The following PRDM7 variants were observed in gnomAD, a reference collection of about 807,000 sequenced individuals.
PRDM7 encodes the protein histone-lysine N-methyltransferase PRDM7.
PRDM7 carries 52 observed loss-of-function variants against 64.3 expected under a neutral mutation model. The ratio of observed to expected loss-of-function variants is 0.81; its 90% CI spans 0.65 to 1.02. The LOEUF is 1.02. PRDM7 is among the 50% of genes least tolerant of loss of function. The pLI, the probability that PRDM7 is intolerant of heterozygous loss-of-function variation, is 0.00. For synonymous variants in PRDM7, 192 were observed against 210.1 expected (o/e 0.91, Z 0.74); for missense variants, 574 against 597.1 (o/e 0.96, Z 0.40).
chr16:90,061,752 A>G (rs1302319350), intron 8 of PRDM7, among the ~76,000 whole-genome samples, 169 bp downstream of exon 8: 1 of 152,166 alleles, frequency 6.6e-6, no homozygotes. Flanking sequence ...GCTCCCATGT[A>G]CCCTGTGATC....
At position 90,075,839 on chromosome 16, in the gene PRDM7, C is replaced by T; in HGVS notation, c.69+3G>A. On this transcript the variant is annotated splice_donor_region_variant and intron_variant, in intron 2 of 10. Transcript: ENST00000449207. The surrounding 1 kb of genome is among the most constrained non-coding windows in gnomAD (Gnocchi z 4.3). ...GTCTGGCTTCGCCTCCCCGACTTCT[C>T]ACCATGGGCTTCCGCTCTGTTCTCT... 1.2e-6 allele frequency: 2 copies of T among 1,613,780 alleles called. No homozygotes were observed. Among genetic ancestry groups the T allele is most frequent in the Non-Finnish European group, 1.7e-6 (2 of 1,179,856 alleles).
At position 90,075,499 on chromosome 16, in the gene PRDM7, A is replaced by G; in HGVS notation, c.70-25T>C. ...CCTAGAGGAAGTAACAGATTCCATC[A>G]GTGATTTACTAATACACATCGAGCT... On this transcript the variant is annotated intron_variant, in intron 2 of 10. Transcript: ENST00000449207. This position sits in a 1 kb window ranked among gnomAD's most constrained non-coding sequence, Gnocchi z 4.3. 1 of 1,614,216 alleles carries G rather than the reference A, an allele frequency of 6.2e-7. No individual in the cohort carries two copies. The highest frequency in any genetic ancestry group is 8.5e-7 in the Non-Finnish European group (1 of 1,180,028).
In PRDM7 at chr16:90,058,491, G is replaced by C; in HGVS notation, c.1277C>G (p.Pro426Arg). The C allele has an allele frequency of 6.2e-7, 1 of 1,614,164 alleles. No homozygotes were observed. Among genetic ancestry groups the C allele is most frequent in the Non-Finnish European group, 8.5e-7 (1 of 1,180,026 alleles). ...GACTGAGAAATTTTTGACTTGAAAA[G>C]GCCAGACAGCATGAGGGACATGGAT... ...RSIHVPHAVW[P>R]FQVKNFSVNM... Residue 426 changes from proline to arginine, a missense_variant, in exon 11 of 11, where the codon CCT (proline) becomes CGT (arginine). Transcript: ENST00000449207.
At chr16:90,064,088 G>C (rs2037831072) in intron 5 of PRDM7, among the ~76,000 whole-genome samples, 1 of 152,194 alleles carries the variant, frequency 6.6e-6, no homozygotes, top group South Asian at 2.1e-4. Flanking sequence ...GAGAGAAGGA[G>C]GGAATCTTCC....
intron 4 of PRDM7, among the ~76,000 whole-genome samples, chr16:90,072,500 A>T (rs1318890555): frequency 2.0e-5 from 3 of 152,220 alleles, no homozygotes; most frequent in African/African-American, 7.2e-5. Context: ...CAAATGTTTC[A>T]TGGCTGATTC....
At position 90,057,777 on chromosome 16, in the gene PRDM7, G is replaced by A; in HGVS notation, c.*512C>T. ...GCCACCTCAGAGCTGGGGTGTGCAA[G>A]TGTGTGGTGATCACGTTTGTCTTCT... On this transcript the variant is annotated 3_prime_UTR_variant, in exon 11 of 11. Coordinates refer to ENST00000449207, the MANE Select transcript of PRDM7 (RefSeq NM_001098173.2). 2 of 1,334,586 alleles carry A rather than the reference G, an allele frequency of 1.5e-6. No individual in the cohort carries two copies. The highest frequency in any genetic ancestry group is 2.0e-6 in the Non-Finnish European group (2 of 1,010,604). 82.7% of individuals were successfully genotyped at this position (1,334,586 alleles called of 1,614,324 possible). A position where few individuals can be genotyped will look rare whatever the true frequency, so the allele number is the denominator to read the frequency against.
intron 5 of PRDM7, among the ~76,000 whole-genome samples, chr16:90,065,121 G>A (rs569085793): frequency 2.0e-5 from 3 of 149,722 alleles, no homozygotes; most frequent in East Asian, 2.0e-4. Context: ...AATTATTCTC[G>A]CCAGGCACAG....
At chr16:90,067,605 T>TC (rs1326438378) in intron 4 of PRDM7, among the ~76,000 whole-genome samples, 2 of 148,584 alleles carry the variant, frequency 1.3e-5, no homozygotes, top group East Asian at 1.9e-4. Flanking sequence ...TTTTTTTTTT[T>TC]TTTGAGATGG....
At chr16:90,069,771 A>C (rs2037929749) in intron 4 of PRDM7, among the ~76,000 whole-genome samples, 6 of 151,178 alleles carry the variant, frequency 4.0e-5, no homozygotes, top group Admixed American at 3.9e-4. Context: ...GTTAATATCC[A>C]GGCCAGGCAC....
In PRDM7 at chr16:90,058,472, G is replaced by T. The variant is rs1375890676; in HGVS notation, c.1296C>A (p.Phe432Leu). The change falls in exon 11 of 11, where the codon TTC becomes TTA. Residue 432 changes from phenylalanine to leucine, a missense_variant. Coordinates refer to ENST00000449207, the MANE Select transcript of PRDM7 (RefSeq NM_001098173.2). ...TGATTGCGTTCCACATGTTGACTGA[G>T]AAATTTTTGACTTGAAAAGGCCAGA... ...HAVWPFQVKN[F>L]SVNMWNAITP... The T allele has an allele frequency of 6.2e-6, 10 of 1,614,192 alleles. No individual in the cohort carries two copies. Among genetic ancestry groups the T allele is most frequent in the Non-Finnish European group, 8.5e-6 (10 of 1,180,038 alleles).
In PRDM7 at chr16:90,064,322, A is replaced by G. The variant is rs181825850; in HGVS notation, c.352-554T>C. ...ATTAGATTAGTTAGTTCCTGTACCA[A>G]TTCTACTTGTCTGCTTGAATAAGGG... On this transcript the variant is annotated intron_variant, in intron 5 of 10. Transcript: ENST00000449207. Among the ~76,000 whole-genome samples, 49 of 152,330 alleles carry G rather than the reference A, an allele frequency of 3.2e-4. No individual in the cohort carries two copies. The East Asian group carries it at 5.6e-3, about 17-fold the overall frequency.
At position 90,075,041 on chromosome 16, in the gene PRDM7, AT is replaced by A; in HGVS notation, c.194-19del. 1 of 1,613,926 alleles carries A rather than the reference AT, an allele frequency of 6.2e-7. No homozygotes were observed. Among genetic ancestry groups the A allele is most frequent in the Non-Finnish European group, 8.5e-7 (1 of 1,179,912 alleles). On this transcript the variant is annotated intron_variant, in intron 3 of 10. Transcript: ENST00000449207. This position sits in a 1 kb window ranked among gnomAD's most constrained non-coding sequence, Gnocchi z 4.3. ...TCTGAGACCTGAAAAGAAGCAAAAA[AT>A]TTTGCTCTGAAACGGAAGAGCTGGG...
chr16:90,068,618 G>C (rs1597690036), intron 4 of PRDM7, among the ~76,000 whole-genome samples: 1 of 146,990 alleles, frequency 6.8e-6, no homozygotes, highest in East Asian at 1.9e-4. Flanking sequence ...CTGGATGACA[G>C]AGCGAGACTC....
intron 4 of PRDM7, among the ~76,000 whole-genome samples, chr16:90,067,945 C>T (rs568678800): frequency 6.6e-6 from 1 of 151,404 alleles, no homozygotes; most frequent in African/African-American, 2.5e-5. Flanking sequence ...AGCCTTCCTT[C>T]TAAGGTCATA....
At chr16:90,072,172 A>C (rs2037968217) in intron 4 of PRDM7, among the ~76,000 whole-genome samples, 1 of 151,468 alleles carries the variant, frequency 6.6e-6, no homozygotes, top group African/African-American at 2.4e-5. Context: ...CAGAGCTTGC[A>C]GTGAGCCGAG....
Position 90,058,158 on chromosome 16 carries a change from C to T in PRDM7, c.*131G>A, listed in dbSNP as rs1033971842. Reference sequence around the variant, plus strand: ...CCCCCACAAATAATTTGCCTGTGTTCCCTGGATTCACTTTCTGGCCTGTTC... The same window carrying T: ...CCCCCACAAATAATTTGCCTGTGTTTCCTGGATTCACTTTCTGGCCTGTTC... On this transcript the variant is annotated 3_prime_UTR_variant, in exon 11 of 11. Transcript: ENST00000449207. The T allele has an allele frequency of 3.7e-6, 6 of 1,614,210 alleles. No individual in the cohort carries two copies. Among genetic ancestry groups the T allele is most frequent in the Non-Finnish European group, 5.1e-6 (6 of 1,180,038 alleles).
At chr16:90,068,913 A>C (rs2037918202) in intron 4 of PRDM7, among the ~76,000 whole-genome samples, 1 of 151,354 alleles carries the variant, frequency 6.6e-6, no homozygotes, top group South Asian at 2.1e-4. Flanking sequence ...TGAAGACTTA[A>C]TATTGTTAAC....
chr16:90,057,452 G>C lies in PRDM7; in HGVS notation c.*837C>G, dbSNP rs975493583. 1.2e-5 allele frequency: 2 copies of C among 167,402 alleles called. No individual in the cohort carries two copies. Among genetic ancestry groups the C allele is most frequent in the Non-Finnish European group, 2.6e-5 (2 of 77,116 alleles). The allele number at this position is 167,402 out of a possible 1,614,324, so 10.4% of individuals were successfully genotyped here. On this transcript the variant is annotated 3_prime_UTR_variant, in exon 11 of 11. Transcript: ENST00000449207. ...CTGTGGAGACTTGAACTGAACGTTTGAGTTCTCTGTGGCCCTTCTGGACTC... is the reference window on the plus strand; with the variant it reads ...CTGTGGAGACTTGAACTGAACGTTTCAGTTCTCTGTGGCCCTTCTGGACTC...
At chr16:90,065,441 A>T (rs1271036242) in intron 5 of PRDM7, among the ~76,000 whole-genome samples, 3 of 148,998 alleles carry the variant, frequency 2.0e-5, no homozygotes, top group Non-Finnish European at 4.4e-5. Context: ...GAAAAAAATA[A>T]TTTTTCTCAC....
Sources: gnomAD v4.1 joint callset for allele counts (sites outside exome capture counted in the v4.1 genomes callset) on GRCh38, gnomAD v4.1.1 for gene constraint, Gnocchi (gnomAD v3.1) non-coding constraint, MANE v1.5 for transcripts, NCBI Gene and HGNC (gene_info 2026-07-23, HGNC 2026-07-21) for gene names.